THSD7A: variants seen among roughly 807,000 people sequenced by gnomAD.
THSD7A encodes the protein thrombospondin type-1 domain-containing protein 7A.
In THSD7A, 96 loss-of-function variants were observed where a neutral mutation model predicts 231.3. The observed-to-expected ratio is 0.41, with a 90% CI of 0.35 to 0.49. THSD7A has a LOEUF of 0.49. THSD7A is among the 20% of genes least tolerant of loss of function. The pLI is 0.05. For synonymous variants in THSD7A, 940 were observed against 743.3 expected (o/e 1.26, Z -4.30); for missense variants, 2,290 against 2,070.2 (o/e 1.11, Z -2.06).
intron 8 of THSD7A, among the ~76,000 whole-genome samples, chr7:11,470,706 A>G (rs2128301165): frequency 6.6e-6 from 1 of 151,922 alleles, no homozygotes; most frequent in Non-Finnish European, 1.5e-5. Context: ...TTTTTGAAAC[A>G]AAAACAGTGA....
chr7:11,681,414 AC>A (rs1047632221), intron 1 of THSD7A, among the ~76,000 whole-genome samples: 11 of 151,976 alleles, frequency 7.2e-5, no homozygotes, highest in African/African-American at 2.7e-4. Context: ...AAAGAACCAA[AC>A]AGAACTTACG....
intron 1 of THSD7A, among the ~76,000 whole-genome samples, chr7:11,673,198 G>A (rs552715598): frequency 3.9e-5 from 6 of 152,182 alleles, no homozygotes; most frequent in African/African-American, 7.2e-5. Context: ...CAGATTGGAC[G>A]TAAGGAAGAG....
chr7:11,577,741 T>C (rs1790978661), intron 4 of THSD7A, among the ~76,000 whole-genome samples: 1 of 151,760 alleles, frequency 6.6e-6, no homozygotes, highest in Non-Finnish European at 1.5e-5. Context: ...CTGTGGGATA[T>C]AAGGGGCAGA....
At chr7:11,641,610 T>C (rs1329232367) in intron 1 of THSD7A, among the ~76,000 whole-genome samples, 2 of 151,950 alleles carry the variant, frequency 1.3e-5, no homozygotes, top group Admixed American at 6.6e-5. Flanking sequence ...TATATTTACA[T>C]TGAGAACCAG....
At chr7:11,601,877 GT>G (rs1249978484) in intron 2 of THSD7A, among the ~76,000 whole-genome samples, 1 of 152,158 alleles carries the variant, frequency 6.6e-6, no homozygotes, top group Non-Finnish European at 1.5e-5. Context: ...CCTTCAAGAG[GT>G]TAGAAAACTT....
chr7:11,527,307 T>C (rs929462421), intron 6 of THSD7A, among the ~76,000 whole-genome samples: 3 of 152,146 alleles, frequency 2.0e-5, no homozygotes, highest in Admixed American at 1.3e-4. Flanking sequence ...CTATGATTTC[T>C]AGCAATTCAG....
chr7:11,480,991 C>G (rs899058356), intron 7 of THSD7A, among the ~76,000 whole-genome samples: 2 of 152,052 alleles, frequency 1.3e-5, no homozygotes, highest in African/African-American at 2.4e-5. Context: ...AAAGAACATG[C>G]CTTAATATGA....
Position 11,370,407 on chromosome 7 carries a change from G to C in THSD7A, c.*5387C>G, listed in dbSNP as rs1199234208. On this transcript the variant is annotated 3_prime_UTR_variant, in exon 28 of 28. Coordinates refer to ENST00000423059, the MANE Select transcript of THSD7A (RefSeq NM_015204.3). ...TTAATCCATATTTAAGAAGCAATTG[G>C]TGCAAATCAAAACACAGATACACAT... 1 of 152,058 alleles carries C rather than the reference G, an allele frequency of 6.6e-6. No individual in the cohort carries two copies. The highest frequency in any genetic ancestry group is 1.5e-5 in the Non-Finnish European group (1 of 68,012). The allele number at this position is 152,058 out of a possible 1,614,324, so 9.4% of individuals were successfully genotyped here.
Position 11,389,421 on chromosome 7 carries a change from C to CTTTTTTT in THSD7A, c.4412-6812_4412-6806dup, listed in dbSNP as rs57755425. Among the ~76,000 whole-genome samples the CTTTTTTT allele has an allele frequency of 6.4e-4, 24 of 37,604 alleles. 1 individual carries two copies. The highest frequency in any genetic ancestry group is 9.2e-4 in the Non-Finnish European group (19 of 20,700). The allele number at this position is 37,604 out of a possible 152,430, so 24.7% of individuals were successfully genotyped here. A position where few individuals can be genotyped will look rare whatever the true frequency, so the allele number is the denominator to read the frequency against. On this transcript the variant is annotated intron_variant, in intron 23 of 27. Transcript: ENST00000423059. ...TCAGAGACTAGAATTGCAACTCCTG[C>CTTTTTTT]TTTTTTTTTTTTTTTTTTTTTTTTT...
At position 11,636,962 on chromosome 7, in the gene THSD7A, C is replaced by T; in HGVS notation, c.191-1G>A. 1 of 1,594,230 alleles carries T rather than the reference C, an allele frequency of 6.3e-7. No individual in the cohort carries two copies. Among genetic ancestry groups the T allele is most frequent in the Non-Finnish European group, 8.5e-7 (1 of 1,172,088 alleles). On this transcript the variant is annotated splice_acceptor_variant, in intron 1 of 27. Transcript: ENST00000423059. LOFTEE classifies it high-confidence loss of function. This position sits in a 1 kb window ranked among gnomAD's most constrained non-coding sequence, Gnocchi z 10.0. ...TCTCCCATACATCGGCCCCATGGAC[C>T]TACAAAAATTATAACACAAAAATTA...
chr7:11,612,516 T>G (rs1272413597), intron 2 of THSD7A, among the ~76,000 whole-genome samples: 1 of 152,248 alleles, frequency 6.6e-6, no homozygotes, highest in Non-Finnish European at 1.5e-5. Context: ...TGAATATATA[T>G]GTGTTTCCTT....
intron 1 of THSD7A, among the ~76,000 whole-genome samples, chr7:11,829,272 G>T (rs1019978230): frequency 1.3e-5 from 2 of 151,640 alleles, no homozygotes; most frequent in Non-Finnish European, 2.9e-5. Flanking sequence ...ACCCTTATTT[G>T]TTGTATATAT....
intron 1 of THSD7A, among the ~76,000 whole-genome samples, chr7:11,740,705 A>G (rs1273105473): frequency 6.6e-6 from 1 of 151,824 alleles, no homozygotes; most frequent in African/African-American, 2.4e-5. Context: ...CCTTCTCCCA[A>G]ACATTTTATT....
At chr7:11,440,992 T>C (rs1194049735) in intron 13 of THSD7A, among the ~76,000 whole-genome samples, 2 of 152,058 alleles carry the variant, frequency 1.3e-5, no homozygotes, top group East Asian at 3.9e-4. Context: ...AATTCATTAC[T>C]GTCTTATTTT....
intron 1 of THSD7A, among the ~76,000 whole-genome samples, chr7:11,743,392 C>T (rs1782175382): frequency 6.6e-6 from 1 of 151,842 alleles, no homozygotes; most frequent in South Asian, 2.1e-4. Flanking sequence ...ATCAAATTTA[C>T]ATGTTTTTCT....
chr7:11,434,390 C>T (rs1257648135), intron 13 of THSD7A, among the ~76,000 whole-genome samples: 1 of 152,058 alleles, frequency 6.6e-6, no homozygotes, highest in Non-Finnish European at 1.5e-5. Context: ...GACTAGCAGG[C>T]TTAAAGTGGC....
intron 23 of THSD7A, chr7:11,385,279 T>A (rs191576935): frequency 7.6e-4 from 115 of 152,242 alleles, no homozygotes; most frequent in African/African-American, 2.6e-3. Context: ...TTTTCAATTC[T>A]TAAACTTCTG....
At chr7:11,593,566 G>T (rs2354954) in intron 2 of THSD7A, 64 bp from the exon 3 acceptor site, 4 of 1,558,792 alleles carry the variant, frequency 2.6e-6, no homozygotes, top group South Asian at 1.2e-5. Flanking sequence ...TGTCTTCTAC[G>T]CTCAAGAGTG....
intron 1 of THSD7A, among the ~76,000 whole-genome samples, chr7:11,734,930 G>T (rs888009063): frequency 2.6e-5 from 4 of 151,826 alleles, no homozygotes; most frequent in African/African-American, 9.7e-5. Flanking sequence ...TTGCTTAGAG[G>T]ACCAGATTTG....
Sources: allele counts gnomAD v4.1 joint callset (sites outside exome capture counted in the v4.1 genomes callset), GRCh38; gene constraint gnomAD v4.1.1; non-coding constraint Gnocchi (gnomAD v3.1); transcripts MANE v1.5; gene names NCBI Gene and HGNC (gene_info 2026-07-23, HGNC 2026-07-21).